LIG1: variants seen among roughly 807,000 people sequenced by gnomAD.
LIG1 encodes the protein DNA ligase 1.
Under a neutral mutation model 115.7 loss-of-function variants are expected in LIG1, and 70 were observed. That is an observed-to-expected ratio of 0.60 (90% CI 0.50 to 0.74). The LOEUF (loss-of-function observed/expected upper bound fraction) is 0.74, where lower values mean the gene tolerates loss of function less well. Among genes scored for constraint, LIG1 ranks in the 30% least tolerant of loss-of-function variants. LIG1 has a pLI of 0.00. For synonymous variants in LIG1, 487 were observed against 495.3 expected (o/e 0.98, Z 0.22); for missense variants, 1,115 against 1,225.6 (o/e 0.91, Z 1.35).
chr19:48,157,521 T>C (rs979616653), intron 4 of LIG1, among the ~76,000 whole-genome samples: 6 of 152,094 alleles, frequency 3.9e-5, no homozygotes, highest in Non-Finnish European at 8.8e-5. Context: ...GGAAATGATG[T>C]ACACCTCTTC....
intron 1 of LIG1, among the ~76,000 whole-genome samples, chr19:48,168,222 T>C (rs2036582213): frequency 1.3e-5 from 2 of 152,234 alleles, no homozygotes; most frequent in Admixed American, 1.3e-4. Flanking sequence ...AAGCGTTTAC[T>C]GGGAAGCCTA....
Position 48,161,243 on chromosome 19 carries a change from C to T in LIG1, c.243+129G>A, listed in dbSNP as rs185811586. On this transcript the variant is annotated intron_variant, in intron 4 of 27. Coordinates refer to ENST00000263274, the MANE Select transcript of LIG1 (RefSeq NM_000234.3). ...CAGGTTGTGTCTGCCCCCGACACAA[C>T]CAGGAAACACATCTACCTCTCCCGG... 1,431 of 1,385,832 alleles carry T rather than the reference C, an allele frequency of 1.0e-3. 6 individuals carry two copies. Among genetic ancestry groups the T allele is most frequent in the Non-Finnish European group, 2.4e-4 (231 of 977,024 alleles). 85.8% of individuals were successfully genotyped at this position (1,385,832 alleles called of 1,614,324 possible).
intron 17 of LIG1, chr19:48,133,451 G>T: frequency 3.0e-6 from 1 of 338,432 alleles, no homozygotes; most frequent in South Asian, 2.9e-5. Flanking sequence ...GACAACCTTT[G>T]GAGGGCAGAG....
chr19:48,131,992 G>T (rs1157705291), intron 18 of LIG1, among the ~76,000 whole-genome samples: 1 of 142,132 alleles, frequency 7.0e-6, no homozygotes, highest in East Asian at 2.1e-4. Context: ...AGGCTGTAGT[G>T]TAGTGGCACG....
rs528603322 is a variant in LIG1 at position 48,122,248 on chromosome 19, C to T, written c.2232+686G>A. 6.4e-6 allele frequency: 1 copy of T among 155,842 alleles called. No homozygotes were observed. The highest frequency in any genetic ancestry group is 1.4e-5 in the Non-Finnish European group (1 of 70,304). 9.7% of individuals were successfully genotyped at this position (155,842 alleles called of 1,614,324 possible). ...GCCCTCAACACACCCGTCCTCCACT[C>T]GAGGGGAAACCCCAGGAGCTTCGCA... On this transcript the variant is annotated intron_variant, in intron 23 of 27. Transcript: ENST00000263274. This position sits in a 1 kb window ranked among gnomAD's most constrained non-coding sequence, Gnocchi z 4.3.
intron 25 of LIG1, among the ~76,000 whole-genome samples, chr19:48,118,279 C>A (rs1173857429): frequency 6.6e-6 from 1 of 152,126 alleles, no homozygotes; most frequent in Non-Finnish European, 1.5e-5. Flanking sequence ...CTCCCAAAAT[C>A]CCCATGTGTC....
At position 48,117,644 on chromosome 19, in the gene LIG1, C is replaced by A. The variant is rs1484756124; in HGVS notation, c.2577G>T (p.Arg859=). ...LSLSPIYPAA[R]GLVDSDKGIS... ...CAGGTCCTCTGCCACTCACCAGGCC[C>A]CGCGCAGCAGGGTAGATGGGAGAGA... The change falls in exon 26 of 28, where the codon CGG becomes CGT. Residue 859 remains arginine, a synonymous_variant. Coordinates refer to ENST00000263274, the MANE Select transcript of LIG1 (RefSeq NM_000234.3). 1 of 1,612,564 alleles carries A rather than the reference C, an allele frequency of 6.2e-7. No homozygotes were observed. Among genetic ancestry groups the A allele is most frequent in the Non-Finnish European group, 8.5e-7 (1 of 1,179,640 alleles).
intron 5 of LIG1, among the ~76,000 whole-genome samples, chr19:48,155,342 G>T (rs1166191176): frequency 6.6e-6 from 1 of 152,064 alleles, no homozygotes; most frequent in Non-Finnish European, 1.5e-5. Flanking sequence ...TGCTTCCCAG[G>T]TCGCATCCGA....
intron 21 of LIG1, among the ~76,000 whole-genome samples, chr19:48,124,642 T>C (rs957916819): frequency 1.3e-5 from 2 of 152,228 alleles, no homozygotes; most frequent in Non-Finnish European, 2.9e-5. Flanking sequence ...GAAAGGATAA[T>C]ATCTTAGACA....
chr19:48,151,084 G>A (rs986870502), intron 7 of LIG1, 148 bp downstream of exon 7: 13 of 561,748 alleles, frequency 2.3e-5, no homozygotes, highest in Middle Eastern at 4.4e-4. Context: ...AAAAAAACCC[G>A]AGTAATAAAA....
At chr19:48,143,052 G>A (rs184275887) in intron 11 of LIG1, among the ~76,000 whole-genome samples, 18 of 152,300 alleles carry the variant, frequency 1.2e-4, no homozygotes, top group Non-Finnish European at 2.9e-5. Context: ...AGGGACCAGC[G>A]ATGCTAACAT....
chr19:48,151,375 T>A, intron 6 of LIG1, 36 bp from the exon 7 acceptor site: 1 of 1,328,102 alleles, frequency 7.5e-7, no homozygotes, highest in Admixed American at 1.7e-5. Context: ...GGCAAAAAAA[T>A]CCCATTGAAC....
chr19:48,120,356 A>G (rs1276008591), intron 24 of LIG1: 1 of 985,322 alleles, frequency 1.0e-6, no homozygotes, highest in East Asian at 1.1e-4. Flanking sequence ...GGCAGAAAAG[A>G]AAATTACTCA....
At chr19:48,116,610 G>C (rs1008330153) in intron 26 of LIG1, among the ~76,000 whole-genome samples, 17 of 152,148 alleles carry the variant, frequency 1.1e-4, no homozygotes, top group African/African-American at 3.9e-4. Context: ...TGCAGGGGCA[G>C]TTACTCAGGC....
chr19:48,143,831 C>A (rs1231575091), intron 10 of LIG1, 52 bp downstream of exon 10: 1 of 1,480,974 alleles, frequency 6.8e-7, no homozygotes, highest in East Asian at 2.3e-5. Context: ...TAGAGAGCCT[C>A]CGGTGGCAAC....
intron 11 of LIG1, among the ~76,000 whole-genome samples, chr19:48,140,784 T>G (rs540065471): frequency 6.6e-6 from 1 of 152,110 alleles, no homozygotes; most frequent in South Asian, 2.1e-4. Flanking sequence ...TTCGACCCCC[T>G]GTGAGTCCAT....
At chr19:48,139,591 C>G (rs1473581069) in intron 12 of LIG1, among the ~76,000 whole-genome samples, 1 of 152,162 alleles carries the variant, frequency 6.6e-6, no homozygotes, top group African/African-American at 2.4e-5. Flanking sequence ...GCTGGCCCCC[C>G]ACACACCATG....
At chr19:48,154,154 T>G (rs2035686233) in intron 5 of LIG1, 187 bp from the exon 6 acceptor site, 3 of 635,852 alleles carry the variant, frequency 4.7e-6, no homozygotes, top group Non-Finnish European at 5.7e-6. Context: ...CTGTGTGACC[T>G]TGGGCAGGTT....
chr19:48,120,213 G>A (rs2033168989), intron 24 of LIG1: 2 of 985,326 alleles, frequency 2.0e-6, no homozygotes, highest in Non-Finnish European at 2.4e-6. Flanking sequence ...GCCACGGGGA[G>A]CTGGTTCAGG....
Sources: allele counts gnomAD v4.1 joint callset (sites outside exome capture counted in the v4.1 genomes callset), GRCh38; gene constraint gnomAD v4.1.1; non-coding constraint Gnocchi (gnomAD v3.1); transcripts MANE v1.5; gene names NCBI Gene and HGNC (gene_info 2026-07-23, HGNC 2026-07-21).